VPS35L: variants seen among roughly 807,000 people sequenced by gnomAD.
The protein encoded by VPS35L is VPS35 endosomal protein-sorting factor-like.
Under a neutral mutation model 133.0 loss-of-function variants are expected in VPS35L, and 83 were observed. The ratio of observed to expected loss-of-function variants is 0.62; its 90% CI spans 0.52 to 0.75. The LOEUF (loss-of-function observed/expected upper bound fraction) is 0.75. Ranked by LOEUF, VPS35L falls within the 30% of genes least tolerant of loss-of-function variation. The pLI is 0.00. For synonymous variants in VPS35L, 423 were observed against 449.9 expected (o/e 0.94, Z 0.76); for missense variants, 1,083 against 1,206.8 (o/e 0.90, Z 1.52).
Position 19,601,713 on chromosome 16 carries a change from C to T in VPS35L, c.774C>T (p.Ser258=), listed in dbSNP as rs764662565. ...RIFSMCVDSR[S]VLPDHFSPEN... is the part of the protein sequence containing the mutation. ...TTTCCATGTGTGTGGATAGCCGCAGCGTCTTACCAGGTAATGTCGCAGCTG... is the reference window on the plus strand; with the variant it reads ...TTTCCATGTGTGTGGATAGCCGCAGTGTCTTACCAGGTAATGTCGCAGCTG... Residue 258 remains serine (S), a synonymous_variant, in exon 9 of 31, where the codon AGC becomes AGT. Transcript: ENST00000417362. The T allele has an allele frequency of 4.3e-6, 7 of 1,614,014 alleles. No homozygotes were observed. The highest frequency in any genetic ancestry group is 4.0e-5 in the African/African-American group (3 of 74,928).
chr16:19,615,420 C>CA (rs1972852868), intron 12 of VPS35L, among the ~76,000 whole-genome samples: 1 of 148,886 alleles, frequency 6.7e-6, no homozygotes, highest in Admixed American at 6.7e-5. Flanking sequence ...TAGGCCGAGG[C>CA]AGGCAGATCA....
Position 19,581,515 on chromosome 16 carries a change from C to T in VPS35L, c.511-10C>T, listed in dbSNP as rs559863804. On this transcript the variant is annotated splice_polypyrimidine_tract_variant and intron_variant, in intron 6 of 30. Coordinates refer to ENST00000417362, the MANE Select transcript of VPS35L (RefSeq NM_020314.7). ...CTGCTATGCCTTCACCTTCTGCCTT[C>T]TCCCCACAGGGTTCCCAAAAGGAGC... 1 of 1,574,336 alleles carries T rather than the reference C, an allele frequency of 6.4e-7. No individual in the cohort carries two copies. Among genetic ancestry groups the T allele is most frequent in the African/African-American group, 1.4e-5 (1 of 73,548 alleles).
intron 15 of VPS35L, 111 bp downstream of exon 15, chr16:19,626,334 A>C (rs901623929): frequency 2.4e-6 from 2 of 825,646 alleles, no homozygotes; most frequent in South Asian, 1.5e-5. Context: ...GCAGGACTGC[A>C]TGGAGGTTTA....
At chr16:19,595,408 C>A (rs1033828645) in intron 8 of VPS35L, among the ~76,000 whole-genome samples, 1 of 152,098 alleles carries the variant, frequency 6.6e-6, no homozygotes, top group African/African-American at 2.4e-5. Context: ...TGGTCCTTGA[C>A]GTGTCCATGC....
chr16:19,616,734 C>T lies in VPS35L; in HGVS notation c.1150C>T (p.Leu384Phe), dbSNP rs762258952. 2 of 1,613,938 alleles carry T rather than the reference C, an allele frequency of 1.2e-6. No homozygotes were observed. The highest frequency in any genetic ancestry group is 1.7e-6 in the Non-Finnish European group (2 of 1,179,980). The change falls in exon 14 of 31, where the codon CTC (leucine) becomes TTC (phenylalanine). Residue 384 changes from leucine (L) to phenylalanine (F), a missense_variant. Coordinates refer to ENST00000417362, the MANE Select transcript of VPS35L (RefSeq NM_020314.7). ...QNQLVVQGVE[L>F]PSYLPLYPPA... ...CCAGCTGGTGGTCCAAGGAGTGGAG[C>T]TCCCATCTTACCTCCCCTTGTACCC...
chr16:19,691,511 G>GA (rs1567492972), intron 29 of VPS35L, 40 bp downstream of exon 29: 20 of 1,512,078 alleles, frequency 1.3e-5, no homozygotes, highest in Non-Finnish European at 1.7e-5. Context: ...CCCTTGCTCT[G>GA]AAAGCACAAG....
chr16:19,691,161 C>T (rs991410313), intron 28 of VPS35L, among the ~76,000 whole-genome samples, 192 bp from the exon 29 acceptor site: 2 of 152,170 alleles, frequency 1.3e-5, no homozygotes, highest in Admixed American at 6.5e-5. Flanking sequence ...CTTAGACTGT[C>T]CTGCAGGCTG....
chr16:19,681,311 A>G (rs1975268552), intron 27 of VPS35L, among the ~76,000 whole-genome samples: 2 of 152,208 alleles, frequency 1.3e-5, no homozygotes, highest in African/African-American at 4.8e-5. Context: ...TGTTTTGGCG[A>G]TGGCTTTGTT....
chr16:19,633,139 T>C lies in VPS35L; in HGVS notation c.1602T>C (p.Thr534=). 1 of 1,614,214 alleles carries C rather than the reference T, an allele frequency of 6.2e-7. No homozygotes were observed. The highest frequency in any genetic ancestry group is 8.5e-7 in the Non-Finnish European group (1 of 1,180,018). Residue 534 remains threonine (T), a synonymous_variant, in exon 19 of 31, where the codon ACT becomes ACC. Coordinates refer to ENST00000417362, the MANE Select transcript of VPS35L (RefSeq NM_020314.7). This position sits in a 1 kb window ranked among gnomAD's most constrained non-coding sequence, Gnocchi z 4.1. ...TGGCAGATGTCATCAAGCACATGAC[T>C]CCAGATCGTGCATTTGAAGATTCCT... ...TVLADVIKHM[T]PDRAFEDSYP... is the part of the protein sequence containing the mutation.
At position 19,628,617 on chromosome 16, in the gene VPS35L, T is replaced by C. The variant is rs746409762; in HGVS notation, c.1384-20T>C. ...TTGATTTAAAATTTCCATAACATGA[T>C]GGTTTGACATGTTTCTTAGCATCTT... On this transcript the variant is annotated intron_variant, in intron 16 of 30. Transcript: ENST00000417362. 2 of 1,319,990 alleles carry C rather than the reference T, an allele frequency of 1.5e-6. No homozygotes were observed. Among genetic ancestry groups the C allele is most frequent in the African/African-American group, 1.5e-5 (1 of 68,136 alleles). 81.8% of individuals were successfully genotyped at this position (1,319,990 alleles called of 1,614,324 possible).
intron 26 of VPS35L, among the ~76,000 whole-genome samples, chr16:19,661,684 TC>T (rs1453209611): frequency 6.6e-6 from 1 of 152,210 alleles, no homozygotes; most frequent in Non-Finnish European, 1.5e-5. Flanking sequence ...CTTCCCGCCA[TC>T]CTCACGGTGC....
intron 3 of VPS35L, among the ~76,000 whole-genome samples, chr16:19,571,823 G>A (rs2151508791): frequency 6.7e-6 from 1 of 150,104 alleles, no homozygotes; most frequent in African/African-American, 2.4e-5. Flanking sequence ...GGGATTACAA[G>A]TTTGAGCCAT....
At chr16:19,599,997 C>T (rs868597440) in intron 8 of VPS35L, among the ~76,000 whole-genome samples, 2 of 152,144 alleles carry the variant, frequency 1.3e-5, no homozygotes, top group Non-Finnish European at 2.9e-5. Context: ...GCTGTGATCA[C>T]GCCACTGCAC....
In VPS35L at chr16:19,635,829, A is replaced by C. The variant is rs530980543; in HGVS notation, c.1636-1765A>C. Among the ~76,000 whole-genome samples the C allele has an allele frequency of 2.6e-5, 4 of 152,308 alleles. No individual in the cohort carries two copies. The South Asian group carries it at 8.3e-4, about 32-fold the overall frequency. On this transcript the variant is annotated intron_variant, in intron 19 of 30. Transcript: ENST00000417362. ...AAAAATTGATGGATTTGGGTAAAGAATATATGGGAGTTCTCAGTACTATTC... is the reference window on the plus strand; with the variant it reads ...AAAAATTGATGGATTTGGGTAAAGACTATATGGGAGTTCTCAGTACTATTC...
intron 1 of VPS35L, among the ~76,000 whole-genome samples, chr16:19,560,148 C>T (rs945069890): frequency 2.0e-5 from 3 of 152,194 alleles, no homozygotes; most frequent in African/African-American, 4.8e-5. Context: ...GAATCTGATT[C>T]TATTGTTGCT....
chr16:19,698,439 CT>C (rs1975992840), intron 29 of VPS35L, among the ~76,000 whole-genome samples: 1 of 152,130 alleles, frequency 6.6e-6, no homozygotes, highest in South Asian at 2.1e-4. Context: ...CGAGGGCCCA[CT>C]CAGGTCATCT....
chr16:19,628,008 G>C (rs1453523606), intron 16 of VPS35L, among the ~76,000 whole-genome samples: 1 of 152,172 alleles, frequency 6.6e-6, no homozygotes, highest in African/African-American at 2.4e-5. Context: ...GCCCCCATGA[G>C]CCCTAAATCT....
At chr16:19,669,751 A>G (rs1270643533) in intron 27 of VPS35L, among the ~76,000 whole-genome samples, 2 of 150,638 alleles carry the variant, frequency 1.3e-5, no homozygotes, top group African/African-American at 4.9e-5. Flanking sequence ...GCTCACTTCA[A>G]CCTCCACCCC....
chr16:19,649,304 C>A (rs906953478), intron 24 of VPS35L, among the ~76,000 whole-genome samples: 3 of 152,056 alleles, frequency 2.0e-5, no homozygotes, highest in African/African-American at 7.2e-5. Context: ...TTTTTCTTAA[C>A]CATAATTAGT....
Sources: allele counts gnomAD v4.1 joint callset (sites outside exome capture counted in the v4.1 genomes callset), GRCh38; gene constraint gnomAD v4.1.1; non-coding constraint Gnocchi (gnomAD v3.1); transcripts MANE v1.5; gene names NCBI Gene and HGNC (gene_info 2026-07-23, HGNC 2026-07-21).